IPO8: variants seen among roughly 807,000 people sequenced by gnomAD.
IPO8 encodes importin 8, also known as importin-8.
In IPO8, 65 loss-of-function variants were observed where a neutral mutation model predicts 141.2. That is an observed-to-expected ratio of 0.46 (90% confidence interval 0.38 to 0.57). The LOEUF is 0.57. Among genes scored for constraint, IPO8 ranks in the 20% least tolerant of loss-of-function variants. The pLI is 0.00. For synonymous variants in IPO8, 411 were observed against 420.3 expected (o/e 0.98, Z 0.27); for missense variants, 980 against 1,246.8 (o/e 0.79, Z 3.22).
chr12:30,641,268 G>A (rs1490110567), intron 20 of IPO8, among the ~76,000 whole-genome samples: 3 of 152,122 alleles, frequency 2.0e-5, no homozygotes. Flanking sequence ...TGTATAGTAT[G>A]CTACCGTTTA....
In IPO8 at chr12:30,674,197, C is replaced by G. The variant is rs945744719; in HGVS notation, c.825-123G>C. On this transcript the variant is annotated intron_variant, in intron 7 of 24. Transcript: ENST00000256079. ...TACTGGGACAGAAAACTAACACTGC[C>G]TTTTTTTCCCACAAGCCACAAAATG... is the stretch of plus-strand genomic sequence containing the variant. 7 of 590,114 alleles carry G rather than the reference C, an allele frequency of 1.2e-5. No individual in the cohort carries two copies. In the East Asian group the frequency reaches 2.0e-4, roughly 16 times the overall value. The allele number at this position is 590,114 out of a possible 1,614,324, so 36.6% of individuals were successfully genotyped here.
At chr12:30,654,911 T>C (rs2052777835) in intron 17 of IPO8, among the ~76,000 whole-genome samples, 1 of 152,098 alleles carries the variant, frequency 6.6e-6, no homozygotes, top group Non-Finnish European at 1.5e-5. Context: ...CTATGTTCAC[T>C]GAAGCATGTT....
intron 21 of IPO8, among the ~76,000 whole-genome samples, 154 bp downstream of exon 21, chr12:30,639,361 G>A (rs1239368402): frequency 2.0e-5 from 3 of 152,118 alleles, no homozygotes; most frequent in Non-Finnish European, 2.9e-5. Context: ...CTGCTGAAAT[G>A]CATTCTTAAT....
intron 8 of IPO8, among the ~76,000 whole-genome samples, chr12:30,671,577 G>C (rs1462581003): frequency 6.6e-6 from 1 of 151,222 alleles, no homozygotes; most frequent in Non-Finnish European, 1.5e-5. Flanking sequence ...GGGAGGCTGA[G>C]GCAGGAGAAT....
intron 17 of IPO8, 39 bp from the exon 18 acceptor site, chr12:30,653,131 T>C (rs757219932): frequency 6.3e-6 from 10 of 1,586,548 alleles, no homozygotes; most frequent in African/African-American, 4.1e-5. Context: ...TGCTAGGAAA[T>C]AGCAAAAGTT....
intron 2 of IPO8, among the ~76,000 whole-genome samples, chr12:30,686,091 A>G (rs1414305840): frequency 6.6e-6 from 1 of 152,048 alleles, no homozygotes; most frequent in African/African-American, 2.4e-5. Flanking sequence ...TATGATTTCA[A>G]TTCATTTGGG....
intron 1 of IPO8, among the ~76,000 whole-genome samples, chr12:30,691,232 A>T (rs1382196286): frequency 1.3e-5 from 2 of 152,234 alleles, no homozygotes; most frequent in Non-Finnish European, 2.9e-5. Context: ...AACAGAGAAG[A>T]TAATGTTACA....
At chr12:30,665,196 A>C (rs1308326630) in intron 13 of IPO8, 24 bp downstream of exon 13, 1 of 1,217,420 alleles carries the variant, frequency 8.2e-7, no homozygotes, top group Admixed American at 2.0e-5. Flanking sequence ...TTTAAGATAC[A>C]TAACAGAAAT....
At chr12:30,644,842 A>G (rs1004817508) in intron 20 of IPO8, among the ~76,000 whole-genome samples, 5 of 151,200 alleles carry the variant, frequency 3.3e-5, no homozygotes, top group African/African-American at 1.2e-4. Flanking sequence ...TAGTAGAGAC[A>G]GGGTTTCACC....
intron 2 of IPO8, 39 bp downstream of exon 2, chr12:30,690,457 C>A: frequency 1.8e-6 from 2 of 1,134,984 alleles, no homozygotes; most frequent in South Asian, 1.4e-5. Context: ...TCTACTCTCA[C>A]CTATAAATAA....
At position 30,695,193 on chromosome 12, in the gene IPO8, G is replaced by C. The variant is rs2053326535; in HGVS notation, c.84+371C>G. The C allele has an allele frequency of 7.6e-6, 3 of 392,698 alleles. No individual in the cohort carries two copies. The highest frequency in any genetic ancestry group is 2.1e-5 in the South Asian group (1 of 47,310). 24.3% of individuals were successfully genotyped at this position (392,698 alleles called of 1,614,324 possible). A position where few individuals can be genotyped will look rare whatever the true frequency, so the allele number is the denominator to read the frequency against. On this transcript the variant is annotated intron_variant, in intron 1 of 24. Transcript: ENST00000256079. This position sits in a 1 kb window ranked among gnomAD's most constrained non-coding sequence, Gnocchi z 4.2. The stretch of plus-strand genomic sequence containing the variant: ...AAAAAGCTGAACTCAGATTTGAACT[G>C]TAAGTAAAATTCCCACCTGCTCCCC...
chr12:30,633,220 T>C (rs1301325772), intron 23 of IPO8, among the ~76,000 whole-genome samples: 1 of 152,228 alleles, frequency 6.6e-6, no homozygotes, highest in Non-Finnish European at 1.5e-5. Flanking sequence ...AAAATGCCAA[T>C]ATATTAAGCT....
intron 17 of IPO8, among the ~76,000 whole-genome samples, chr12:30,654,536 C>G (rs887646505): frequency 6.6e-6 from 1 of 151,662 alleles, no homozygotes; most frequent in Non-Finnish European, 1.5e-5. Context: ...AAGAAAATAA[C>G]CCAACTTAAA....
chr12:30,676,877 A>C (rs1230131378), intron 5 of IPO8: 1 of 1,419,474 alleles, frequency 7.0e-7, no homozygotes, highest in African/African-American at 1.4e-5. Context: ...ATTCTAAGTG[A>C]GTGATTTTTA....
In IPO8 at chr12:30,637,007, T is replaced by A. The variant is rs1433354990; in HGVS notation, c.2670A>T (p.Ala890=). The change falls in exon 22 of 25, where the codon GCA becomes GCT. Residue 890 remains alanine, a synonymous_variant. Coordinates refer to ENST00000256079, the MANE Select transcript of IPO8 (RefSeq NM_006390.4). The part of the protein sequence containing the change: ...QLVNREDRSK[A]EKADMEENEE... ...CATTTTCTTCCATATCAGCTTTCTC[T>A]GCTTTTGAACGATCTTCCCGGTTTA... is the stretch of plus-strand genomic sequence containing the variant. The A allele has an allele frequency of 2.5e-6, 4 of 1,614,042 alleles. No individual in the cohort carries two copies. Among genetic ancestry groups the A allele is most frequent in the Non-Finnish European group, 2.5e-6 (3 of 1,179,908 alleles).
intron 17 of IPO8, among the ~76,000 whole-genome samples, chr12:30,656,202 A>G (rs1379174980): frequency 7.2e-5 from 11 of 152,072 alleles, no homozygotes; most frequent in Admixed American, 7.2e-4. Context: ...ACACTCAGCT[A>G]ATTTTTTTTA....
At position 30,695,099 on chromosome 12, in the gene IPO8, G is replaced by T. The variant is rs2053325341; in HGVS notation, c.84+465C>A. 3 of 446,714 alleles carry T rather than the reference G, an allele frequency of 6.7e-6. No individual in the cohort carries two copies. The highest frequency in any genetic ancestry group is 1.3e-5 in the Non-Finnish European group (3 of 223,560). The allele number at this position is 446,714 out of a possible 1,614,324, so 27.7% of individuals were successfully genotyped here. ...GGCCAATCGGTGTCAAAACAGTCCT[G>T]CCAACCCGACAGGAGGAGGCGGTGG... On this transcript the variant is annotated intron_variant, in intron 1 of 24. Coordinates refer to ENST00000256079, the MANE Select transcript of IPO8 (RefSeq NM_006390.4). This position sits in a 1 kb window ranked among gnomAD's most constrained non-coding sequence, Gnocchi z 4.2.
At chr12:30,647,615 A>C (rs1228270795) in intron 20 of IPO8, among the ~76,000 whole-genome samples, 1 of 150,644 alleles carries the variant, frequency 6.6e-6, no homozygotes, top group Non-Finnish European at 1.5e-5. Flanking sequence ...AAAAAAAAAA[A>C]AAAAAAAAAA....
intron 3 of IPO8, among the ~76,000 whole-genome samples, chr12:30,683,443 A>C (rs1390230205): frequency 6.6e-6 from 1 of 152,278 alleles, no homozygotes; most frequent in Middle Eastern, 3.4e-3. Context: ...ATATTAAAAA[A>C]TTTCATTCCT....
Sources: gnomAD v4.1 joint callset for allele counts (sites outside exome capture counted in the v4.1 genomes callset) on GRCh38, gnomAD v4.1.1 for gene constraint, Gnocchi (gnomAD v3.1) non-coding constraint, MANE v1.5 for transcripts, NCBI Gene and HGNC (gene_info 2026-07-23, HGNC 2026-07-21) for gene names.